The following NPR2 variants were observed in gnomAD, a reference collection of about 807,000 sequenced individuals.
NPR2 encodes the protein natriuretic peptide receptor 2.
NPR2 carries 49 observed loss-of-function variants against 120.7 expected under a neutral mutation model. The ratio of observed to expected loss-of-function variants is 0.41; its 90% CI spans 0.32 to 0.52. The LOEUF is 0.52. Among genes scored for constraint, NPR2 ranks in the 20% least tolerant of loss-of-function variants. NPR2 has a pLI of 0.36. For missense variants in NPR2, 931 were observed against 1,362.9 expected, an observed-to-expected ratio of 0.68 and a Z score of 4.99; for synonymous variants, 484 against 519.8, an observed-to-expected ratio of 0.93 and a Z score of 0.94.
At chr9:35,796,574 A>T (rs1212912919) in intron 2 of NPR2, among the ~76,000 whole-genome samples, 1 of 152,202 alleles carries the variant, frequency 6.6e-6, no homozygotes, top group Non-Finnish European at 1.5e-5. Flanking sequence ...GGGTAGCTAG[A>T]GGAGGGATCT....
chr9:35,798,990 C>T (rs1421022946), intron 2 of NPR2, among the ~76,000 whole-genome samples: 1 of 152,182 alleles, frequency 6.6e-6, no homozygotes, highest in Non-Finnish European at 1.5e-5. Context: ...GTAGGTGTTC[C>T]ACACATTAAA....
chr9:35,807,175 T>C (rs758812194), intron 17 of NPR2, 29 bp downstream of exon 17: 2 of 277,852 alleles, frequency 7.2e-6, no homozygotes, highest in Non-Finnish European at 1.4e-5. Context: ...AGGTGGCGGG[T>C]GGGGTTGGGT....
intron 7 of NPR2, 49 bp from the exon 8 acceptor site, chr9:35,801,594 G>T: frequency 1.2e-6 from 2 of 1,612,566 alleles, no homozygotes; most frequent in South Asian, 2.2e-5. Flanking sequence ...TTGGCTTGGG[G>T]GTGGCAGGAT....
In NPR2 at chr9:35,800,512, T is replaced by C; in HGVS notation, c.1218+29T>C. 7 of 1,592,130 alleles carry C rather than the reference T, an allele frequency of 4.4e-6. No homozygotes were observed. Among genetic ancestry groups the C allele is most frequent in the Non-Finnish European group, 6.0e-6 (7 of 1,160,702 alleles). On this transcript the variant is annotated intron_variant, in intron 5 of 21. Coordinates refer to ENST00000342694, the MANE Select transcript of NPR2 (RefSeq NM_003995.4). The surrounding 1 kb of genome is among the most constrained non-coding windows in gnomAD (Gnocchi z 4.7). ...ATGGAGGAGGAGGCAGGGAAGAGAG[T>C]GTGGCCCTGCAAAATCCAGCTTTCA...
At position 35,806,178 on chromosome 9, in the gene NPR2, C is replaced by A; in HGVS notation, c.2317C>A (p.Pro773Thr). The change falls in exon 15 of 22, where the codon CCA becomes ACA. Residue 773 changes from proline (P) to threonine (T), a missense_variant. Pro to Thr is a conservative substitution (Grantham distance 38, BLOSUM62 -1). Coordinates refer to ENST00000342694, the MANE Select transcript of NPR2 (RefSeq NM_003995.4). This position sits in a 1 kb window ranked among gnomAD's most constrained non-coding sequence, Gnocchi z 4.6. ...GATGGAGCGATGTTGGGCTCAGGAC[C>A]CAGCTGAGCGGCCAGACTTTGGACA... is the stretch of plus-strand genomic sequence containing the variant. ...LLMERCWAQD[P>T]AERPDFGQIK... 6.2e-7 allele frequency: 1 copy of A among 1,614,194 alleles called. No homozygotes were observed. The highest frequency in any genetic ancestry group is 8.5e-7 in the Non-Finnish European group (1 of 1,180,038).
At position 35,792,451 on chromosome 9, in the gene NPR2, G is replaced by C; in HGVS notation, c.43G>C (p.Gly15Arg). 1 of 1,611,378 alleles carries C rather than the reference G, an allele frequency of 6.2e-7. No individual in the cohort carries two copies. Among genetic ancestry groups the C allele is most frequent in the Non-Finnish European group, 8.5e-7 (1 of 1,179,838 alleles). Residue 15 changes from glycine (G) to arginine (R), a missense_variant, in exon 1 of 22, where the codon GGT becomes CGT. Physicochemically the swap from Gly to Arg is moderately radical, Grantham distance 125. Around this residue, in one of 3 missense-constraint regions of NPR2, gnomAD observed 681 missense variants for 974.3 expected, o/e 0.70. Transcript: ENST00000342694. ...TCTGCTGTTGGTGGCAGCCCTGGCA[G>C]GTGGGGTGCGTCCTCCCGGGGCGCG... The part of the protein sequence containing the change: ...SLLLLVAALA[G>R]GVRPPGARNL...
chr9:35,802,014 T>C lies in NPR2; in HGVS notation c.1632+14T>C. 6.2e-7 allele frequency: 1 copy of C among 1,611,550 alleles called. No homozygotes were observed. The highest frequency in any genetic ancestry group is 8.5e-7 in the Non-Finnish European group (1 of 1,177,626). The stretch of plus-strand genomic sequence containing the variant: ...GGTCACTTCAAGGTGAACAGTCATT[T>C]GCTTGTTCTGGTCCCCACCATTTCA... On this transcript the variant is annotated intron_variant, in intron 9 of 21. Coordinates refer to ENST00000342694, the MANE Select transcript of NPR2 (RefSeq NM_003995.4). The surrounding 1 kb of genome is among the most constrained non-coding windows in gnomAD (Gnocchi z 4.2).
chr9:35,796,544 C>A (rs1205167734), intron 2 of NPR2, among the ~76,000 whole-genome samples: 1 of 152,126 alleles, frequency 6.6e-6, no homozygotes, highest in Non-Finnish European at 1.5e-5. Context: ...TATTGCCCAG[C>A]CAAGAGTCCC....
chr9:35,809,287 G>A lies in NPR2; in HGVS notation c.3078+40G>A, dbSNP rs770869979. ...TGGGGAGGGGGGCATGGAAAGGGAG[G>A]GTGAAAGTGATTATGGGAATCATAG... On this transcript the variant is annotated intron_variant, in intron 21 of 21. Coordinates refer to ENST00000342694, the MANE Select transcript of NPR2 (RefSeq NM_003995.4). The surrounding 1 kb of genome is among the most constrained non-coding windows in gnomAD (Gnocchi z 4.1). 1 of 1,610,640 alleles carries A rather than the reference G, an allele frequency of 6.2e-7. No homozygotes were observed. The highest frequency in any genetic ancestry group is 1.1e-5 in the South Asian group (1 of 90,994).
chr9:35,805,137 T>C lies in NPR2; in HGVS notation c.1888-374T>C, dbSNP rs7864199. 0.28 allele frequency among the ~76,000 whole-genome samples: 41,972 copies of C among 152,190 alleles called. 6,852 individuals carry two copies. Among genetic ancestry groups the C allele is most frequent in the African/African-American group, 0.45 (18,754 of 41,500 alleles). ...TCTCAAGTCATGTCTTCCTAATTAGTAGCCAGGTATCTGAGGCCACCATGG... is the reference window on the plus strand; with the variant it reads ...TCTCAAGTCATGTCTTCCTAATTAGCAGCCAGGTATCTGAGGCCACCATGG... On this transcript the variant is annotated intron_variant, in intron 12 of 21. Coordinates refer to ENST00000342694, the MANE Select transcript of NPR2 (RefSeq NM_003995.4). The surrounding 1 kb of genome is among the most constrained non-coding windows in gnomAD (Gnocchi z 4.9).
rs576063108 is a variant in NPR2 at position 35,800,652 on chromosome 9, C to G, written c.1219-57C>G. On this transcript the variant is annotated intron_variant, in intron 5 of 21. Transcript: ENST00000342694. This position sits in a 1 kb window ranked among gnomAD's most constrained non-coding sequence, Gnocchi z 4.7. ...AGAAAAGCAGCGAAACAGCTGGGGT[C>G]TGGGGAGGAGGCTGGTGGGAGCAGG... The G allele has an allele frequency of 2.2e-5, 35 of 1,613,534 alleles. No homozygotes were observed. The highest frequency in any genetic ancestry group is 1.7e-4 in the Middle Eastern group (1 of 5,790).
chr9:35,793,199 G>C (rs1044922320), intron 1 of NPR2, 124 bp downstream of exon 1: 23 of 1,076,286 alleles, frequency 2.1e-5, no homozygotes, highest in Non-Finnish European at 2.7e-5. Flanking sequence ...TTGGGATCAA[G>C]AAGCACACGT....
At chr9:35,793,336 A>G (rs1827846843) in intron 1 of NPR2, among the ~76,000 whole-genome samples, 1 of 152,150 alleles carries the variant, frequency 6.6e-6, no homozygotes, top group African/African-American at 2.4e-5. Flanking sequence ...TGTGAAAATG[A>G]GGGGATATTA....
In NPR2 at chr9:35,792,406, C is replaced by A. The variant is rs1257067318; in HGVS notation, c.-3C>A. 1.2e-6 allele frequency: 2 copies of A among 1,610,422 alleles called. No homozygotes were observed. Among genetic ancestry groups the A allele is most frequent in the Non-Finnish European group, 1.7e-6 (2 of 1,179,532 alleles). ...GGGGCGGTGGGGCTGCTGCTTTATC[C>A]CCATGGCGCTGCCATCACTTCTGCT... On this transcript the variant is annotated 5_prime_UTR_variant, in exon 1 of 22. Transcript: ENST00000342694.
Position 35,801,071 on chromosome 9 carries a change from T to A in NPR2, c.1353T>A (p.Thr451=). ...FDLDDPSCDK[T]PLSTLAIVAL... ...TCAGGGTCTCTATTTCCCCTTCAGC[T>A]CCACTTTCAACCCTGGCAATTGTGG... Residue 451 remains threonine, a splice_region_variant and synonymous_variant, in exon 7 of 22, where the codon ACT becomes ACA. Coordinates refer to ENST00000342694, the MANE Select transcript of NPR2 (RefSeq NM_003995.4). 6.2e-7 allele frequency: 1 copy of A among 1,613,334 alleles called. No individual in the cohort carries two copies. The highest frequency in any genetic ancestry group is 8.5e-7 in the Non-Finnish European group (1 of 1,179,232).
chr9:35,799,835 G>A (rs1336528264), intron 3 of NPR2, 104 bp downstream of exon 3: 8 of 1,366,250 alleles, frequency 5.9e-6, no homozygotes, highest in East Asian at 4.6e-5. Context: ...CCCAACTTTG[G>A]GGGGTCTCCG....
Position 35,808,504 on chromosome 9 carries a change from A to T in NPR2, c.2713-5A>T, listed in dbSNP as rs1178669535. On this transcript the variant is annotated splice_polypyrimidine_tract_variant and splice_region_variant and intron_variant, in intron 18 of 21. Transcript: ENST00000342694. This position sits in a 1 kb window ranked among gnomAD's most constrained non-coding sequence, Gnocchi z 4.0. ...AGGTGACCTTTTAATCCCCCTCTCA[A>T]TCAGGTGGAGACGATTGGGGATGCT... 2 of 1,613,828 alleles carry T rather than the reference A, an allele frequency of 1.2e-6. No homozygotes were observed. Among genetic ancestry groups the T allele is most frequent in the Admixed American group, 3.3e-5 (2 of 60,020 alleles).
In NPR2 at chr9:35,792,459, G is replaced by T; in HGVS notation, c.51G>T (p.Val17=). 6 of 1,611,088 alleles carry T rather than the reference G, an allele frequency of 3.7e-6. No individual in the cohort carries two copies. The highest frequency in any genetic ancestry group is 5.1e-6 in the Non-Finnish European group (6 of 1,179,836). Residue 17 remains valine (V), a synonymous_variant, in exon 1 of 22, where the codon GTG becomes GTT. Coordinates refer to ENST00000342694, the MANE Select transcript of NPR2 (RefSeq NM_003995.4). ...TGGTGGCAGCCCTGGCAGGTGGGGTGCGTCCTCCCGGGGCGCGGAACCTGA... is the reference window on the plus strand; with the variant it reads ...TGGTGGCAGCCCTGGCAGGTGGGGTTCGTCCTCCCGGGGCGCGGAACCTGA... The part of the protein sequence containing the change: ...LLLVAALAGG[V]RPPGARNLTL...
In NPR2 at chr9:35,800,203, T is replaced by C. The variant is rs1423398877; in HGVS notation, c.1123+46T>C. The C allele has an allele frequency of 8.3e-6, 13 of 1,569,424 alleles. No individual in the cohort carries two copies. Among genetic ancestry groups the C allele is most frequent in the Middle Eastern group, 1.7e-4 (1 of 6,004 alleles). ...GGGGTCTGAGGGCTGATGTCAGGAA[T>C]AGAGTGGGCTGAAGAAGAAACAGAT... On this transcript the variant is annotated intron_variant, in intron 4 of 21. Coordinates refer to ENST00000342694, the MANE Select transcript of NPR2 (RefSeq NM_003995.4). This position sits in a 1 kb window ranked among gnomAD's most constrained non-coding sequence, Gnocchi z 4.7.
Sources: gnomAD v4.1 joint callset for allele counts (sites outside exome capture counted in the v4.1 genomes callset) on GRCh38, gnomAD v4.1.1 for gene constraint, gnomAD v4.1.1 regional missense constraint, Gnocchi (gnomAD v3.1) non-coding constraint, MANE v1.5 for transcripts, NCBI Gene and HGNC (gene_info 2026-07-23, HGNC 2026-07-21) for gene names.